The following GLRA2 variants were observed in gnomAD, a reference collection of about 807,000 sequenced individuals.
GLRA2 encodes the protein glycine receptor alpha 2.
In GLRA2, 11 loss-of-function variants were observed where a neutral mutation model predicts 31.6. That is an observed-to-expected ratio of 0.35 (90% CI 0.22 to 0.58). GLRA2 has a LOEUF of 0.58. Ranked by LOEUF, GLRA2 falls within the 20% of genes least tolerant of loss-of-function variation. The pLI is 0.84. For synonymous variants in GLRA2, 132 were observed against 134.0 expected, an observed-to-expected ratio of 0.99 and a Z score of 0.10; for missense variants, 212 against 351.8, an observed-to-expected ratio of 0.60 and a Z score of 3.18.
intron 7 of GLRA2, among the ~76,000 whole-genome samples, chrX:14,629,651 C>T: frequency 9.0e-6 from 1 of 111,692 alleles, no homozygotes; most frequent in South Asian, 3.8e-4. Flanking sequence ...TTTCATTTGT[C>T]CCATTTGTTC....
chrX:14,619,531 G>A (rs767750276), intron 7 of GLRA2, among the ~76,000 whole-genome samples: 1 of 109,515 alleles, frequency 9.1e-6, no homozygotes, highest in South Asian at 4.0e-4. Flanking sequence ...ATTGTTTTCT[G>A]TGACTGGAAT....
At chrX:14,691,271 C>CAG (rs1411177405) in intron 8 of GLRA2, among the ~76,000 whole-genome samples, 45 of 85,242 alleles carry the variant, frequency 5.3e-4, no homozygotes, top group African/African-American at 1.9e-3. Flanking sequence ...TAAATATTGA[C>CAG]TGTGTGTGTG....
At chrX:14,524,087 C>T in the GLRA2 span, among the ~76,000 whole-genome samples, 3 of 111,481 alleles carry the variant, frequency 2.7e-5, no homozygotes, top group South Asian at 3.8e-4. Context: ...CAGACTTGCT[C>T]AATGCAGGAT....
chrX:14,464,520 A>G, the GLRA2 span, among the ~76,000 whole-genome samples: 1 of 111,460 alleles, frequency 9.0e-6, no homozygotes, highest in Admixed American at 9.5e-5. Context: ...AGGGTTCTCT[A>G]TTCTGTTTCA....
chrX:14,532,232 T>C lies in GLRA2; in HGVS notation c.69-7T>C, dbSNP rs2089265763. 8.1e-6 allele frequency: 9 copies of C among 1,107,256 alleles called. No homozygotes were observed. Among genetic ancestry groups the C allele is most frequent in the Non-Finnish European group, 9.6e-6 (8 of 835,513 alleles). 91.3% of individuals were successfully genotyped at this position (1,107,256 alleles called of 1,213,427 possible). A position where few individuals can be genotyped will look rare whatever the true frequency, so the allele number is the denominator to read the frequency against. On this transcript the variant is annotated splice_region_variant and splice_polypyrimidine_tract_variant and intron_variant, in intron 1 of 8. Transcript: ENST00000218075. ...ATTGTTGCTAAAAGAGTTAATGATGTGTTTAGGACGGCTTTCTGCAAAGAC... is the reference window on the plus strand; with the variant it reads ...ATTGTTGCTAAAAGAGTTAATGATGCGTTTAGGACGGCTTTCTGCAAAGAC...
At chrX:14,491,807 T>C in the GLRA2 span, among the ~76,000 whole-genome samples, 1 of 111,638 alleles carries the variant, frequency 9.0e-6, no homozygotes, top group African/African-American at 3.3e-5. Flanking sequence ...TAAGTGAGGA[T>C]GGATGTCAAG....
At chrX:14,484,396 G>A in the GLRA2 span, among the ~76,000 whole-genome samples, 1 of 111,799 alleles carries the variant, frequency 8.9e-6, no homozygotes, top group Non-Finnish European at 1.9e-5. Context: ...TTAATGCTCT[G>A]GACTTTCTTT....
intron 2 of GLRA2, among the ~76,000 whole-genome samples, chrX:14,542,192 C>T (rs888043724): frequency 4.2e-4 from 47 of 111,753 alleles, no homozygotes; most frequent in African/African-American, 1.5e-3. Context: ...AAAGGAGGAA[C>T]GGTTGGTATA....
chrX:14,633,069 A>G (rs1295093688), intron 7 of GLRA2, among the ~76,000 whole-genome samples: 4 of 112,213 alleles, frequency 3.6e-5, no homozygotes, highest in Non-Finnish European at 7.5e-5. Flanking sequence ...TTATGTTCCA[A>G]TAAAACCCTG....
chrX:14,528,801 A>G (rs986605912), upstream of GLRA2, among the ~76,000 whole-genome samples: 2 of 111,355 alleles, frequency 1.8e-5, no homozygotes, highest in Admixed American at 1.9e-4. Context: ...TAACCATGGC[A>G]AGAAAAGATT....
the GLRA2 span, among the ~76,000 whole-genome samples, chrX:14,470,599 T>C: frequency 9.0e-6 from 1 of 111,691 alleles, no homozygotes; most frequent in Non-Finnish European, 1.9e-5. Flanking sequence ...TTGGGTGCTT[T>C]TATTGAAAAG....
the GLRA2 span, among the ~76,000 whole-genome samples, chrX:14,512,471 A>T: frequency 8.9e-6 from 1 of 111,816 alleles, no homozygotes; most frequent in African/African-American, 3.2e-5. Context: ...AGTAAAGAGG[A>T]AGTCAAAGTG....
intron 2 of GLRA2, among the ~76,000 whole-genome samples, chrX:14,540,541 T>C (rs1346421417): frequency 9.1e-6 from 1 of 109,823 alleles, no homozygotes; most frequent in Non-Finnish European, 1.9e-5. Context: ...GTACAGAGAA[T>C]AGAAGAGAAG....
intron 7 of GLRA2, among the ~76,000 whole-genome samples, chrX:14,658,348 T>C (rs2090959400): frequency 1.8e-5 from 2 of 111,963 alleles, no homozygotes; most frequent in South Asian, 3.7e-4. Flanking sequence ...CAAAGTCCTA[T>C]ACTGTAAAAT....
intron 7 of GLRA2, among the ~76,000 whole-genome samples, chrX:14,652,524 TTC>T (rs1454104947): frequency 1.8e-5 from 2 of 112,012 alleles, no homozygotes; most frequent in African/African-American, 3.2e-5. Flanking sequence ...TGCTCACTTT[TTC>T]TCTGTGTCAT....
chrX:14,669,967 T>C (rs1450244018), intron 7 of GLRA2, among the ~76,000 whole-genome samples: 2 of 112,538 alleles, frequency 1.8e-5, no homozygotes, highest in African/African-American at 3.2e-5. Flanking sequence ...TTCCAAACTT[T>C]TATGCTGTTT....
At chrX:14,587,911 T>C (rs1339523121) in intron 4 of GLRA2, among the ~76,000 whole-genome samples, 1 of 110,299 alleles carries the variant, frequency 9.1e-6, no homozygotes, top group African/African-American at 3.3e-5. Flanking sequence ...TAGGATTTTT[T>C]TTTTTTTTTC....
the GLRA2 span, among the ~76,000 whole-genome samples, chrX:14,489,079 T>C: frequency 8.9e-6 from 1 of 112,186 alleles, no homozygotes; most frequent in Non-Finnish European, 1.9e-5. Context: ...TCTTCCTGTA[T>C]ATGGACTGCT....
chrX:14,462,415 TCTC>T, the GLRA2 span, among the ~76,000 whole-genome samples: 1 of 111,788 alleles, frequency 8.9e-6, no homozygotes, highest in Non-Finnish European at 1.9e-5. Flanking sequence ...TTGGGGAAGT[TCTC>T]CTGGATAATA....
Sources: allele counts gnomAD v4.1 joint callset (sites outside exome capture counted in the v4.1 genomes callset), GRCh38; gene constraint gnomAD v4.1.1; transcripts MANE v1.5; gene names NCBI Gene and HGNC (gene_info 2026-07-23, HGNC 2026-07-21).